ZBED1: variants seen among roughly 807,000 people sequenced by gnomAD.
ZBED1 encodes zinc finger BED-type containing 1, also known as E3 SUMO-protein ligase ZBED1.
A neutral mutation model predicts 49.7 loss-of-function variants in ZBED1; 19 were observed. That is an observed-to-expected ratio of 0.38 (90% CI 0.27 to 0.56). The LOEUF (loss-of-function observed/expected upper bound fraction) is 0.56, where lower values mean the gene tolerates loss of function less well. Ranked by LOEUF, ZBED1 falls within the 20% of genes least tolerant of loss-of-function variation. The pLI is 0.70. For synonymous variants in ZBED1, 439 were observed against 440.3 expected, an observed-to-expected ratio of 1.00 and a Z score of 0.04; for missense variants, 806 against 972.6, an observed-to-expected ratio of 0.83 and a Z score of 2.28.
intron 1 of ZBED1, among the ~76,000 whole-genome samples, chrX:2,492,238 T>C (rs1421035848): frequency 1.3e-5 from 2 of 152,182 alleles, no homozygotes; most frequent in Non-Finnish European, 2.9e-5. Flanking sequence ...TTAGATGAGA[T>C]TATTCTCAAT....
In ZBED1 at chrX:2,490,552, G is replaced by A. The variant is rs140924458; in HGVS notation, c.168C>T (p.Tyr56=). ...AGGACAGGTTGGAGGTGTTTCCGGAGTAGGCGATCTGGGCCATGCAGATGC... is the reference window on the plus strand; with the variant it reads ...AGGACAGGTTGGAGGTGTTTCCGGAATAGGCGATCTGGGCCATGCAGATGC... ...YCRICMAQIA[Y]SGNTSNLSYH... Residue 56 remains tyrosine (Y), a synonymous_variant, in exon 2 of 2, where the codon TAC becomes TAT. Transcript: ENST00000652001. 8,961 of 1,613,990 alleles carry A rather than the reference G, an allele frequency of 5.6e-3. 35 individuals are homozygous for A. The highest frequency in any genetic ancestry group is 6.1e-3 in the Non-Finnish European group (7,235 of 1,179,860).
In ZBED1 at chrX:2,490,822, C is replaced by A. The variant is rs778929474; in HGVS notation, c.-53-50G>T. The A allele has an allele frequency of 3.4e-6, 5 of 1,489,574 alleles. No homozygotes were observed. The African/African-American group carries it at 4.2e-5, about 13-fold the overall frequency. 92.3% of individuals were successfully genotyped at this position (1,489,574 alleles called of 1,614,324 possible). On this transcript the variant is annotated intron_variant, in intron 1 of 1. Coordinates refer to ENST00000652001, the MANE Select transcript of ZBED1 (RefSeq NM_001171136.2). ...GCATGAGAAGGGACCCAGGCACGCA[C>A]GGGAGCCCTGCCGGGGAGACAGACA... is the stretch of plus-strand genomic sequence containing the variant.
chrX:2,489,215 T>C lies in ZBED1; in HGVS notation c.1505A>G (p.Lys502Arg). 6.2e-7 allele frequency: 1 copy of C among 1,613,796 alleles called. No homozygotes were observed. Among genetic ancestry groups the C allele is most frequent in the Non-Finnish European group, 8.5e-7 (1 of 1,179,852 alleles). The change falls in exon 2 of 2, where the codon AAG becomes AGG. Residue 502 changes from lysine to arginine, a missense_variant. Physicochemically the swap from Lys to Arg is conservative, Grantham distance 26. Around this residue, in one of 2 missense-constraint regions of ZBED1, gnomAD observed 749 missense variants for 861.3 expected, o/e 0.87. Coordinates refer to ENST00000652001, the MANE Select transcript of ZBED1 (RefSeq NM_001171136.2). ...QVENRVVEEA[K>R]GLLDKVKDGG... ...GTCTTTGACCTTGTCCAGCAGGCCC[T>C]TGGCCTCTTCCACCACGCGATTCTC... is the stretch of plus-strand genomic sequence containing the variant.
At position 2,488,623 on chromosome X, in the gene ZBED1, C is replaced by G; in HGVS notation, c.*12G>C. 6.3e-7 allele frequency: 1 copy of G among 1,581,846 alleles called. No homozygotes were observed. Among genetic ancestry groups the G allele is most frequent in the Non-Finnish European group, 8.6e-7 (1 of 1,165,448 alleles). Reference sequence around the variant, plus strand: ...GCTGCGGGGATGACTTGTAAGACAACACGCTTCCTCGCTACAGGAAGCTGC... The same window carrying G: ...GCTGCGGGGATGACTTGTAAGACAAGACGCTTCCTCGCTACAGGAAGCTGC... On this transcript the variant is annotated 3_prime_UTR_variant, in exon 2 of 2. Transcript: ENST00000652001.
In ZBED1 at chrX:2,489,122, A is replaced by C. The variant is rs760012167; in HGVS notation, c.1598T>G (p.Met533Arg). 1 of 1,613,502 alleles carries C rather than the reference A, an allele frequency of 6.2e-7. No homozygotes were observed. The highest frequency in any genetic ancestry group is 1.1e-5 in the South Asian group (1 of 91,064). ...GGCGGGCGGCGGCGTGGATGTCCGC[A>C]TGAGCTTCTTGACGGGAGGCTCCTC... ...VPEEPPVKKL[M>R]RTSTPPPASV... Residue 533 changes from methionine (M) to arginine (R), a missense_variant, in exon 2 of 2, where the codon ATG becomes AGG. Physicochemically the swap from Met to Arg is moderately conservative, Grantham distance 91 (BLOSUM62 -1). Coordinates refer to ENST00000652001, the MANE Select transcript of ZBED1 (RefSeq NM_001171136.2).
At chrX:2,497,717 G>A (rs778144011) in intron 1 of ZBED1, among the ~76,000 whole-genome samples, 5 of 152,124 alleles carry the variant, frequency 3.3e-5, no homozygotes, top group Non-Finnish European at 5.9e-5. Context: ...CTTGACTACA[G>A]GTACCATCAA....
Position 2,490,358 on chromosome X carries a change from T to C in ZBED1, c.362A>G (p.Lys121Arg). Residue 121 changes from lysine to arginine, a missense_variant, in exon 2 of 2, where the codon AAG becomes AGG. Physicochemically the swap from Lys to Arg is conservative, Grantham distance 26 (BLOSUM62 2). Transcript: ENST00000652001. The part of the protein sequence containing the change: ...AVKAGHGYDS[K>R]KQQELTAAVL... ...GGCGGCCGTCAGCTCCTGCTGCTTC[T>C]TGCTGTCGTAGCCGTGGCCGGCCTT... The C allele has an allele frequency of 1.2e-6, 2 of 1,613,474 alleles. No homozygotes were observed. The highest frequency in any genetic ancestry group is 1.1e-5 in the South Asian group (1 of 91,034).
At position 2,490,454 on chromosome X, in the gene ZBED1, G is replaced by C. The variant is rs760918136; in HGVS notation, c.266C>G (p.Ala89Gly). 3.1e-6 allele frequency: 5 copies of C among 1,613,990 alleles called. No homozygotes were observed. The highest frequency in any genetic ancestry group is 3.4e-6 in the Non-Finnish European group (4 of 1,179,874). ...VKSNTEQMRE[A>G]FATAFSKLKP... is the part of the protein sequence containing the mutation. ...CAGCTTGGAGAAGGCGGTGGCGAAG[G>C]CTTCACGCATCTGCTCCGTGTTGCT... is the stretch of plus-strand genomic sequence containing the variant. Residue 89 changes from alanine (A) to glycine (G), a missense_variant, in exon 2 of 2, where the codon GCC (alanine) becomes GGC (glycine). Ala to Gly is a moderately conservative substitution (Grantham distance 60, BLOSUM62 0). This residue lies in a region of ZBED1 where 749 missense variants were observed against 861.3 expected (regional missense o/e 0.87). Transcript: ENST00000652001.
chrX:2,491,639 C>A (rs1163158222), intron 1 of ZBED1, among the ~76,000 whole-genome samples: 1 of 152,232 alleles, frequency 6.6e-6, no homozygotes, highest in Admixed American at 6.5e-5. Context: ...ACTGCACACT[C>A]TTCTCAAACT....
intron 1 of ZBED1, among the ~76,000 whole-genome samples, chrX:2,498,649 C>T (rs1193998766): frequency 1.3e-5 from 2 of 149,930 alleles, no homozygotes; most frequent in Non-Finnish European, 3.0e-5. Context: ...AAAAAGATTC[C>T]AGCCCTTTTT....
chrX:2,496,110 C>A lies in ZBED1; in HGVS notation c.-54+4707G>T, dbSNP rs778571556. ...CGACAGGAGGAATCCGTTTCAGTGA[C>A]CTACTGCACAGCGTGGTGGCGATAG... is the stretch of plus-strand genomic sequence containing the variant. On this transcript the variant is annotated intron_variant, in intron 1 of 1. Transcript: ENST00000652001. 2.0e-5 allele frequency among the ~76,000 whole-genome samples: 3 copies of A among 152,342 alleles called. No homozygotes were observed. The South Asian group carries it at 6.2e-4, about 32-fold the overall frequency.
chrX:2,494,328 T>C (rs1246976835), intron 1 of ZBED1, among the ~76,000 whole-genome samples: 2 of 152,034 alleles, frequency 1.3e-5, no homozygotes, highest in African/African-American at 4.8e-5. Context: ...ATTTTCATTC[T>C]ATCATTATTA....
At chrX:2,492,541 T>C (rs1416934017) in intron 1 of ZBED1, among the ~76,000 whole-genome samples, 1 of 151,158 alleles carries the variant, frequency 6.6e-6, no homozygotes, top group Non-Finnish European at 1.5e-5. Context: ...ATTAGAAATT[T>C]TGTAGATCTC....
chrX:2,498,165 CAT>C (rs1402194393), intron 1 of ZBED1, among the ~76,000 whole-genome samples: 1 of 152,158 alleles, frequency 6.6e-6, no homozygotes, highest in Non-Finnish European at 1.5e-5. Flanking sequence ...TAAGTCAACT[CAT>C]GTGGAAGGTG....
intron 1 of ZBED1, among the ~76,000 whole-genome samples, chrX:2,492,888 T>C (rs1416473058): frequency 6.6e-6 from 1 of 152,230 alleles, no homozygotes; most frequent in Non-Finnish European, 1.5e-5. Context: ...TAAAGCAAGG[T>C]ATTCTGAAGG....
At chrX:2,498,933 T>C (rs1238948810) in intron 1 of ZBED1, among the ~76,000 whole-genome samples, 1 of 152,266 alleles carries the variant, frequency 6.6e-6, no homozygotes, top group Admixed American at 6.5e-5. Context: ...TTACTCTCCT[T>C]CTTCTATGCA....
chrX:2,500,579 T>TCGGGCCGGGC (rs748431177), intron 1 of ZBED1: 1 of 177,688 alleles, frequency 5.6e-6, no homozygotes, highest in African/African-American at 2.4e-5. Flanking sequence ...TCGGGCCGGG[T>TCGGGCCGGGC]CGGGCCGGGC....
Position 2,489,218 on chromosome X carries a change from G to C in ZBED1, c.1502C>G (p.Ala501Gly). ...TTTGACCTTGTCCAGCAGGCCCTTG[G>C]CCTCTTCCACCACGCGATTCTCCAC... is the stretch of plus-strand genomic sequence containing the variant. ...QQVENRVVEE[A>G]KGLLDKVKDG... The change falls in exon 2 of 2, where the codon GCC becomes GGC. Residue 501 changes from alanine to glycine, a missense_variant. Ala to Gly is a moderately conservative substitution (Grantham distance 60). Around this residue, in one of 2 missense-constraint regions of ZBED1, gnomAD observed 749 missense variants for 861.3 expected, o/e 0.87. Transcript: ENST00000652001. 3 of 1,613,844 alleles carry C rather than the reference G, an allele frequency of 1.9e-6. No homozygotes were observed. Among genetic ancestry groups the C allele is most frequent in the Non-Finnish European group, 2.5e-6 (3 of 1,179,866 alleles).
chrX:2,492,284 A>C (rs2045171107), intron 1 of ZBED1, among the ~76,000 whole-genome samples: 2 of 151,598 alleles, frequency 1.3e-5, no homozygotes, highest in Admixed American at 1.3e-4. Context: ...AGTGTCCTTA[A>C]TAGAAGACAG....
Sources: gnomAD v4.1 joint callset for allele counts (sites outside exome capture counted in the v4.1 genomes callset) on GRCh38, gnomAD v4.1.1 for gene constraint, gnomAD v4.1.1 regional missense constraint, MANE v1.5 for transcripts, NCBI Gene and HGNC (gene_info 2026-07-23, HGNC 2026-07-21) for gene names.